CSMD1: variants seen among roughly 807,000 people sequenced by gnomAD.
The protein encoded by CSMD1 is CUB and Sushi multiple domains 1, also known as CUB and sushi domain-containing protein 1.
A neutral mutation model predicts 417.5 loss-of-function variants in CSMD1; 213 were observed. The ratio of observed to expected loss-of-function variants is 0.51; its 90% CI spans 0.46 to 0.57. The LOEUF is 0.57. Ranked by LOEUF, CSMD1 falls within the 20% of genes least tolerant of loss-of-function variation. The pLI is 0.00. For missense variants in CSMD1, 6,923 were observed against 4,529.7 expected (o/e 1.53, Z -15.17); for synonymous variants, 2,862 against 1,736.8 (o/e 1.65, Z -16.11).
At chr8:3,523,692 TATGCACACATGTGC>T (rs1797613695) in intron 10 of CSMD1, among the ~76,000 whole-genome samples, 1 of 142,588 alleles carries the variant, frequency 7.0e-6, no homozygotes, top group South Asian at 2.2e-4. Flanking sequence ...CAGAGAGACA[TATGCACACATGTGC>T]ATGCACACAC....
chr8:4,844,773 C>T (rs1041020923), intron 1 of CSMD1, among the ~76,000 whole-genome samples: 2 of 152,134 alleles, frequency 1.3e-5, no homozygotes, highest in African/African-American at 4.8e-5. Context: ...ATTAATTCTC[C>T]AGGCAAATTC....
At chr8:4,919,156 T>A (rs951523785) in intron 1 of CSMD1, among the ~76,000 whole-genome samples, 1 of 152,134 alleles carries the variant, frequency 6.6e-6, no homozygotes, top group Non-Finnish European at 1.5e-5. Context: ...TCAGTTAAAA[T>A]CACTAAAGTA....
intron 41 of CSMD1, among the ~76,000 whole-genome samples, chr8:3,122,896 T>C (rs1487450147): frequency 6.6e-6 from 1 of 152,174 alleles, no homozygotes; most frequent in African/African-American, 2.4e-5. Context: ...TGTTTCTCAG[T>C]TGTTTTTGTG....
At chr8:3,901,383 A>C (rs147395424) in intron 5 of CSMD1, among the ~76,000 whole-genome samples, 1 of 152,220 alleles carries the variant, frequency 6.6e-6, no homozygotes, top group African/African-American at 2.4e-5. Flanking sequence ...GAAGATGGGC[A>C]TATTTCAGTA....
intron 56 of CSMD1, 134 bp from the exon 57 acceptor site, chr8:2,973,433 A>C (rs938389913): frequency 1.2e-6 from 1 of 854,258 alleles, no homozygotes; most frequent in African/African-American, 1.7e-5. Flanking sequence ...AACATTCTGC[A>C]ATCTTGTAAG....
Position 4,877,599 on chromosome 8 carries a change from C to A in CSMD1, c.85+116733G>T, listed in dbSNP as rs73503889. ...GCCATTTACTCATAACCATTTCTCC[C>A]ATCTCACTTTCCTAATTTCCTAATC... On this transcript the variant is annotated intron_variant, in intron 1 of 69. Coordinates refer to ENST00000635120, the MANE Select transcript of CSMD1 (RefSeq NM_033225.6). 3.1e-3 allele frequency among the ~76,000 whole-genome samples: 466 copies of A among 152,162 alleles called. 5 individuals are homozygous for A. The highest frequency in any genetic ancestry group is 0.011 in the African/African-American group (447 of 41,460).
chr8:4,008,887 G>A (rs1352939922), intron 4 of CSMD1, among the ~76,000 whole-genome samples: 6 of 151,930 alleles, frequency 3.9e-5, no homozygotes. Flanking sequence ...TGGGATTACA[G>A]GCGTGAGCCA....
At chr8:3,401,769 C>T (rs939040107) in intron 15 of CSMD1, among the ~76,000 whole-genome samples, 2 of 152,062 alleles carry the variant, frequency 1.3e-5, no homozygotes, top group African/African-American at 4.8e-5. Flanking sequence ...TCCTCATATA[C>T]CTAATTGACC....
chr8:4,183,646 G>C (rs1010004291), intron 3 of CSMD1, among the ~76,000 whole-genome samples: 1 of 152,080 alleles, frequency 6.6e-6, no homozygotes, highest in Admixed American at 6.5e-5. Flanking sequence ...ACAATTTTAA[G>C]TTTCCTTACA....
intron 1 of CSMD1, among the ~76,000 whole-genome samples, chr8:4,808,077 T>C (rs1481166716): frequency 6.6e-6 from 1 of 152,190 alleles, no homozygotes. Context: ...GTGGGCTCAA[T>C]GTCCTTATTA....
At chr8:4,842,723 AAG>A (rs1489880802) in intron 1 of CSMD1, among the ~76,000 whole-genome samples, 1 of 152,240 alleles carries the variant, frequency 6.6e-6, no homozygotes, top group African/African-American at 2.4e-5. Flanking sequence ...ACTAGAACAA[AAG>A]AGTTTTTGAA....
intron 1 of CSMD1, among the ~76,000 whole-genome samples, chr8:4,845,824 G>C (rs564617507): frequency 3.9e-5 from 6 of 152,300 alleles, no homozygotes; most frequent in Admixed American, 2.0e-4. Context: ...ATTCACATCA[G>C]AAATTTACAT....
chr8:3,938,342 A>G (rs974298483), intron 5 of CSMD1, among the ~76,000 whole-genome samples: 6 of 152,194 alleles, frequency 3.9e-5, no homozygotes, highest in Non-Finnish European at 8.8e-5. Context: ...AGCATATAAT[A>G]CAACATAAAG....
At chr8:3,214,082 G>A (rs554710642) in intron 30 of CSMD1, among the ~76,000 whole-genome samples, 32 of 152,048 alleles carry the variant, frequency 2.1e-4, no homozygotes, top group African/African-American at 4.3e-4. Flanking sequence ...CTAACCTCGC[G>A]ATCCACTCGC....
chr8:3,977,484 A>G (rs895123817), intron 5 of CSMD1, among the ~76,000 whole-genome samples: 1 of 152,184 alleles, frequency 6.6e-6, no homozygotes, highest in African/African-American at 2.4e-5. Context: ...AGAAAAAAAA[A>G]ATTAAGGAAA....
intron 5 of CSMD1, among the ~76,000 whole-genome samples, chr8:3,888,059 T>C (rs1169222970): frequency 6.6e-6 from 1 of 152,214 alleles, no homozygotes; most frequent in Non-Finnish European, 1.5e-5. Context: ...TGGAAAATAC[T>C]GTACAGTTAT....
intron 2 of CSMD1, among the ~76,000 whole-genome samples, chr8:4,591,521 G>A (rs908343883): frequency 2.6e-5 from 4 of 152,186 alleles, no homozygotes; most frequent in Non-Finnish European, 5.9e-5. Context: ...CTGTGGTATA[G>A]CGTGATTACA....
intron 3 of CSMD1, among the ~76,000 whole-genome samples, chr8:4,120,865 A>AT (rs1377536462): frequency 6.6e-6 from 1 of 151,900 alleles, no homozygotes; most frequent in African/African-American, 2.4e-5. Context: ...ACAGAAACAA[A>AT]TTTTTTCTGT....
At chr8:3,908,788 T>C (rs1808273544) in intron 5 of CSMD1, among the ~76,000 whole-genome samples, 1 of 152,214 alleles carries the variant, frequency 6.6e-6, no homozygotes, top group South Asian at 2.1e-4. Flanking sequence ...GGGGCAATTC[T>C]GGATTCTTAG....
Sources: allele counts gnomAD v4.1 joint callset (sites outside exome capture counted in the v4.1 genomes callset), GRCh38; gene constraint gnomAD v4.1.1; transcripts MANE v1.5; gene names NCBI Gene and HGNC (gene_info 2026-07-23, HGNC 2026-07-21).